Variants in WDR1 observed in about 807,000 individuals in gnomAD.
The protein encoded by WDR1 is WD repeat domain 1.
A neutral mutation model predicts 71.9 loss-of-function variants in WDR1; 21 were observed. The observed-to-expected ratio is 0.29, with a 90% CI of 0.21 to 0.42. WDR1 has a LOEUF of 0.42. WDR1 is among the 10% of genes least tolerant of loss of function. The pLI is 1.00. For missense variants in WDR1, 696 were observed against 824.5 expected, an observed-to-expected ratio of 0.84 and a Z score of 1.91; for synonymous variants, 424 against 347.4, an observed-to-expected ratio of 1.22 and a Z score of -2.45.
At chr4:10,077,224 G>A in intron 14 of WDR1, 80 bp downstream of exon 14, 1 of 1,566,268 alleles carries the variant, frequency 6.4e-7, no homozygotes, top group South Asian at 1.2e-5. Context: ...GGGGACTGAA[G>A]CCAGGGGACA....
chr4:10,100,352 A>G (rs1712613466), intron 3 of WDR1, among the ~76,000 whole-genome samples: 1 of 152,172 alleles, frequency 6.6e-6, no homozygotes, highest in Non-Finnish European at 1.5e-5. Flanking sequence ...TAACAGAGCC[A>G]CTCACAGGGC....
At chr4:10,082,866 C>A (rs1322865887) in intron 10 of WDR1, among the ~76,000 whole-genome samples, 156 bp downstream of exon 10, 2 of 152,176 alleles carry the variant, frequency 1.3e-5, no homozygotes, top group Non-Finnish European at 2.9e-5. Context: ...GTGCTGGGCT[C>A]AGGGCCCAAC....
At chr4:10,081,676 A>AGGG (rs1258740889) in intron 10 of WDR1, among the ~76,000 whole-genome samples, 2 of 10,318 alleles carry the variant, frequency 1.9e-4, no homozygotes, top group South Asian at 2.7e-3. Flanking sequence ...GGGGGGGGGA[A>AGGG]GGAGGGGCGG....
chr4:10,102,352 G>A (rs1712728360), intron 3 of WDR1, among the ~76,000 whole-genome samples: 1 of 152,246 alleles, frequency 6.6e-6, no homozygotes, highest in Non-Finnish European at 1.5e-5. Flanking sequence ...AAAACCATGT[G>A]CTGGAAACTT....
At chr4:10,100,042 T>C (rs1712597011) in intron 3 of WDR1, among the ~76,000 whole-genome samples, 1 of 152,198 alleles carries the variant, frequency 6.6e-6, no homozygotes, top group Non-Finnish European at 1.5e-5. Context: ...AATGGGAGCA[T>C]TCTAGACTAA....
chr4:10,085,206 C>T (rs1161969460), intron 8 of WDR1, among the ~76,000 whole-genome samples: 1 of 152,210 alleles, frequency 6.6e-6, no homozygotes, highest in Non-Finnish European at 1.5e-5. Context: ...GCTCCTCATG[C>T]CTTTCTCCTG....
rs557834019 is a variant in WDR1 at position 10,110,550 on chromosome 4, C to T, written c.138+5563G>A. Among the ~76,000 whole-genome samples the T allele has an allele frequency of 5.3e-5, 8 of 152,266 alleles. No individual in the cohort carries two copies. The South Asian group carries it at 8.3e-4, about 16-fold the overall frequency. The stretch of plus-strand genomic sequence containing the variant: ...CTGCCTGGTTTCTCCCCACCTCTGC[C>T]GTGTGTCTCAACGCTCCTCCTGGAG... On this transcript the variant is annotated intron_variant, in intron 2 of 14. Coordinates refer to ENST00000499869, the MANE Select transcript of WDR1 (RefSeq NM_017491.5).
chr4:10,095,252 A>C (rs1712259424), intron 5 of WDR1, among the ~76,000 whole-genome samples: 1 of 152,276 alleles, frequency 6.6e-6, no homozygotes, highest in Non-Finnish European at 1.5e-5. Context: ...CTGGGGAAAA[A>C]AGACCACTGC....
At chr4:10,076,953 G>GCCACATGAGGC (rs1553920086) in intron 14 of WDR1, 4 of 218,096 alleles carry the variant, frequency 1.8e-5, no homozygotes, top group Non-Finnish European at 1.8e-5. Flanking sequence ...AAATTTCAAC[G>GCCACATGAGGC]CCACATGAGG....
chr4:10,081,287 T>G, intron 11 of WDR1, 70 bp downstream of exon 11: 1 of 1,470,772 alleles, frequency 6.8e-7, no homozygotes, highest in Non-Finnish European at 9.5e-7. Context: ...AAACGGGACA[T>G]GAGTCAAATT....
chr4:10,079,116 C>T, intron 11 of WDR1, 115 bp from the exon 12 acceptor site: 1 of 780,264 alleles, frequency 1.3e-6, no homozygotes, highest in Non-Finnish European at 2.0e-6. Flanking sequence ...GGCTCCATAC[C>T]CAACCTCTTT....
chr4:10,116,027 G>C (rs1317862692), intron 2 of WDR1, 86 bp downstream of exon 2: 1 of 1,529,346 alleles, frequency 6.5e-7, no homozygotes, highest in African/African-American at 1.4e-5. Flanking sequence ...CCAATGGGCA[G>C]GAGGTGAGAA....
In WDR1 at chr4:10,074,842, T is replaced by G; in HGVS notation, c.*536A>C. Reference sequence around the variant, plus strand: ...CCAGGGGTTGTGTGTCCCCATCTGATCTGGAGGTGGCGCTCTGAAGGCAGC... The same window carrying G: ...CCAGGGGTTGTGTGTCCCCATCTGAGCTGGAGGTGGCGCTCTGAAGGCAGC... On this transcript the variant is annotated 3_prime_UTR_variant, in exon 15 of 15. Coordinates refer to ENST00000499869, the MANE Select transcript of WDR1 (RefSeq NM_017491.5). 1 of 154,722 alleles carries G rather than the reference T, an allele frequency of 6.5e-6. No homozygotes were observed. The highest frequency in any genetic ancestry group is 1.4e-5 in the Non-Finnish European group (1 of 69,764). 9.6% of individuals were successfully genotyped at this position (154,722 alleles called of 1,614,324 possible). A position where few individuals can be genotyped will look rare whatever the true frequency, so the allele number is the denominator to read the frequency against.
At chr4:10,093,008 T>G (rs888863086) in intron 5 of WDR1, 2 of 1,253,430 alleles carry the variant, frequency 1.6e-6, no homozygotes, top group African/African-American at 3.1e-5. Context: ...CTCCCCACAG[T>G]CCTCACTCCC....
intron 5 of WDR1, among the ~76,000 whole-genome samples, chr4:10,097,426 T>TA (rs1235796417): frequency 2.0e-5 from 3 of 152,366 alleles, no homozygotes; most frequent in African/African-American, 7.2e-5. Context: ...CTTGCCTGGT[T>TA]ACACGGTCAG....
At chr4:10,076,054 T>A (rs1489455633) in intron 14 of WDR1, 2 of 153,510 alleles carry the variant, frequency 1.3e-5, no homozygotes, top group Non-Finnish European at 1.5e-5. Flanking sequence ...GGCTCCTCTG[T>A]GGCTAGCTCT....
intron 5 of WDR1, chr4:10,092,703 C>T (rs1021562843): frequency 1.8e-5 from 5 of 275,302 alleles, no homozygotes; most frequent in Non-Finnish European, 3.7e-5. Flanking sequence ...CGCGAAAAGC[C>T]CATTAACCAA....
intron 3 of WDR1, among the ~76,000 whole-genome samples, chr4:10,101,682 T>C (rs985990113): frequency 1.3e-5 from 2 of 152,132 alleles, no homozygotes; most frequent in African/African-American, 2.4e-5. Flanking sequence ...TTCTGTCTCA[T>C]TGGACACCTT....
intron 10 of WDR1, among the ~76,000 whole-genome samples, chr4:10,082,163 C>T (rs554219201): frequency 1.2e-4 from 19 of 152,302 alleles, no homozygotes; most frequent in Middle Eastern, 3.4e-3. Flanking sequence ...GCTCTGGGGC[C>T]GCTTCTGCCA....
Sources: gnomAD v4.1 joint callset for allele counts (sites outside exome capture counted in the v4.1 genomes callset) on GRCh38, gnomAD v4.1.1 for gene constraint, MANE v1.5 for transcripts, NCBI Gene and HGNC (gene_info 2026-07-23, HGNC 2026-07-21) for gene names.